Variants in ZDHHC21 observed in about 807,000 individuals in gnomAD.
ZDHHC21 encodes the protein zDHHC palmitoyltransferase 21, also known as palmitoyltransferase ZDHHC21.
Under a neutral mutation model 34.6 loss-of-function variants are expected in ZDHHC21, and 15 were observed. That is an observed-to-expected ratio of 0.43 (90% CI 0.29 to 0.67). The LOEUF is 0.67. Ranked by LOEUF, ZDHHC21 falls within the 30% of genes least tolerant of loss-of-function variation. The pLI is 0.14. For synonymous variants in ZDHHC21, 142 were observed against 101.8 expected, an observed-to-expected ratio of 1.40 and a Z score of -2.38; for missense variants, 344 against 327.7, an observed-to-expected ratio of 1.05 and a Z score of -0.38.
In ZDHHC21 at chr9:14,614,123, C is replaced by T. The variant is rs891461979; in HGVS notation, c.*4843G>A. 6 of 151,706 alleles carry T rather than the reference C, an allele frequency of 4.0e-5. No homozygotes were observed. Among genetic ancestry groups the T allele is most frequent in the African/African-American group, 1.4e-4 (6 of 41,380 alleles). 9.4% of individuals were successfully genotyped at this position (151,706 alleles called of 1,614,324 possible). A position where few individuals can be genotyped will look rare whatever the true frequency, so the allele number is the denominator to read the frequency against. ...ATTCTCTGATGTCAGAAACTGGCTC[C>T]AGTCAACTCTGTTGCTGAGATGCTG... On this transcript the variant is annotated 3_prime_UTR_variant, in exon 10 of 10. Transcript: ENST00000380916.
intron 8 of ZDHHC21, among the ~76,000 whole-genome samples, chr9:14,628,617 T>A (rs982391700): frequency 6.6e-6 from 1 of 152,142 alleles, no homozygotes; most frequent in African/African-American, 2.4e-5. Flanking sequence ...AAGGATTAAA[T>A]TTACTGTGAT....
In ZDHHC21 at chr9:14,674,331, G is replaced by T. The variant is rs763597625; in HGVS notation, c.10C>A (p.Arg4=). ...TGTGGGTCAACAACAAAGTGAATCC[G>T]GAGACCCATTTTGCAATCTTATAAC... MGL[R]IHFVVDPHGW... Residue 4 remains arginine (R), a synonymous_variant, in exon 4 of 10, where the codon CGG becomes AGG. Coordinates refer to ENST00000380916, the MANE Select transcript of ZDHHC21 (RefSeq NM_178566.6). The T allele has an allele frequency of 6.3e-7, 1 of 1,592,950 alleles. No individual in the cohort carries two copies. The highest frequency in any genetic ancestry group is 2.3e-5 in the East Asian group (1 of 43,200).
chr9:14,655,714 AT>A (rs1218985986), intron 7 of ZDHHC21, among the ~76,000 whole-genome samples: 2 of 151,852 alleles, frequency 1.3e-5, no homozygotes, highest in South Asian at 2.1e-4. Flanking sequence ...GAAAATTGGA[AT>A]TTTTTTTAAA....
chr9:14,660,796 T>A (rs1437253728), intron 6 of ZDHHC21, among the ~76,000 whole-genome samples: 2 of 152,166 alleles, frequency 1.3e-5, no homozygotes, highest in Admixed American at 1.3e-4. Context: ...TCCTAGTTCT[T>A]TCTTACTACT....
At chr9:14,692,781 A>ACAG (rs1464720466) in intron 1 of ZDHHC21, among the ~76,000 whole-genome samples, 2 of 152,056 alleles carry the variant, frequency 1.3e-5, no homozygotes, top group Non-Finnish European at 2.9e-5. Flanking sequence ...GAAGTCTGGA[A>ACAG]TGAATGAAAA....
intron 2 of ZDHHC21, among the ~76,000 whole-genome samples, chr9:14,681,844 G>T (rs1021475818): frequency 6.6e-6 from 1 of 151,920 alleles, no homozygotes; most frequent in African/African-American, 2.4e-5. Context: ...CAGATCTCTT[G>T]GCAGAAACTC....
At chr9:14,625,312 A>C (rs1266096370) in intron 8 of ZDHHC21, among the ~76,000 whole-genome samples, 1 of 152,044 alleles carries the variant, frequency 6.6e-6, no homozygotes, top group African/African-American at 2.4e-5. Flanking sequence ...TTAAGCACCC[A>C]TTTCCAACAA....
At chr9:14,670,936 C>T (rs1835332519) in intron 5 of ZDHHC21, among the ~76,000 whole-genome samples, 1 of 152,088 alleles carries the variant, frequency 6.6e-6, no homozygotes, top group East Asian at 1.9e-4. Context: ...TACTCATGTC[C>T]ACAAAGGATC....
At chr9:14,595,831 A>C in the ZDHHC21 span, among the ~76,000 whole-genome samples, 11 of 152,242 alleles carry the variant, frequency 7.2e-5, no homozygotes, top group South Asian at 2.1e-4. Context: ...TATGCACATA[A>C]AAGATGTTCA....
At position 14,623,990 on chromosome 9, in the gene ZDHHC21, A is replaced by G. The variant is rs901620647; in HGVS notation, c.622-4308T>C. 2.0e-5 allele frequency among the ~76,000 whole-genome samples: 3 copies of G among 152,104 alleles called. No homozygotes were observed. The East Asian group carries it at 5.8e-4, about 29-fold the overall frequency. On this transcript the variant is annotated intron_variant, in intron 8 of 9. Transcript: ENST00000380916. ...AAAAAGTTAAAAACAAAACTACTAT[A>G]TGATCCAGCAATCACAGCACTGGGT...
At chr9:14,634,282 A>G (rs1564239059) in intron 8 of ZDHHC21, among the ~76,000 whole-genome samples, 1 of 152,164 alleles carries the variant, frequency 6.6e-6, no homozygotes, top group East Asian at 1.9e-4. Flanking sequence ...TGTTCTGCCA[A>G]TACTATTGCC....
intron 8 of ZDHHC21, among the ~76,000 whole-genome samples, chr9:14,638,247 T>C (rs192841111): frequency 3.3e-5 from 5 of 152,168 alleles, no homozygotes; most frequent in African/African-American, 1.2e-4. Context: ...AGCCAACTGA[T>C]TTTTGACAAA....
chr9:14,627,898 CA>C (rs2133541607), intron 8 of ZDHHC21, among the ~76,000 whole-genome samples: 1 of 152,198 alleles, frequency 6.6e-6, no homozygotes, highest in East Asian at 1.9e-4. Flanking sequence ...CATTAAATAA[CA>C]TCACTATCCA....
chr9:14,620,360 A>C (rs1323598817), intron 8 of ZDHHC21, among the ~76,000 whole-genome samples: 2 of 152,064 alleles, frequency 1.3e-5, no homozygotes, highest in Non-Finnish European at 2.9e-5. Flanking sequence ...AAGACTTATC[A>C]TTAGACTGGC....
intron 7 of ZDHHC21, among the ~76,000 whole-genome samples, chr9:14,656,295 ATTAAAC>A (rs1321214516): frequency 6.6e-6 from 1 of 151,916 alleles, no homozygotes; most frequent in Admixed American, 6.6e-5. Context: ...GCTTTACTCT[ATTAAAC>A]TTAAGTAGGT....
Position 14,617,306 on chromosome 9 carries a change from ATTTC to A in ZDHHC21, c.*1656_*1659del, listed in dbSNP as rs1236370269. 1.3e-5 allele frequency: 2 copies of A among 151,928 alleles called. No homozygotes were observed. Among genetic ancestry groups the A allele is most frequent in the African/African-American group, 2.4e-5 (1 of 41,410 alleles). 9.4% of individuals were successfully genotyped at this position (151,928 alleles called of 1,614,324 possible). A position where few individuals can be genotyped will look rare whatever the true frequency, so the allele number is the denominator to read the frequency against. ...GTTCGTCTGCTGTATTTCTGTTCGT[ATTTC>A]TGAGTTTGTAAGTAATAAAGTATTC... On this transcript the variant is annotated 3_prime_UTR_variant, in exon 10 of 10. Transcript: ENST00000380916.
At chr9:14,622,474 T>C in intron 8 of ZDHHC21, 1 of 947,638 alleles carries the variant, frequency 1.1e-6, no homozygotes, top group Non-Finnish European at 1.2e-6. Flanking sequence ...GTTAGGAAAA[T>C]GAGAGGTTGC....
intron 7 of ZDHHC21, among the ~76,000 whole-genome samples, chr9:14,655,196 AATGGAATAACATCTTTTAAAAACTGAAC>A (rs1831967593): frequency 6.6e-6 from 1 of 152,048 alleles, no homozygotes; most frequent in Admixed American, 6.6e-5. Flanking sequence ...ACCATAAGAC[AATGGAATAACATCTTTTAAAAACTGAAC>A]GAAAGTAACC....
intron 7 of ZDHHC21, among the ~76,000 whole-genome samples, chr9:14,651,344 C>T (rs955478053): frequency 6.6e-6 from 1 of 151,532 alleles, no homozygotes; most frequent in Non-Finnish European, 1.5e-5. Context: ...CTAAAAAATT[C>T]CTTGGGGGAA....
Sources: allele counts gnomAD v4.1 joint callset (sites outside exome capture counted in the v4.1 genomes callset), GRCh38; gene constraint gnomAD v4.1.1; transcripts MANE v1.5; gene names NCBI Gene and HGNC (gene_info 2026-07-23, HGNC 2026-07-21).